LGR6: variants seen among roughly 807,000 people sequenced by gnomAD.
The protein encoded by LGR6 is leucine rich repeat containing G protein-coupled receptor 6, also known as leucine-rich repeat-containing G protein-coupled receptor 6.
A neutral mutation model predicts 69.4 loss-of-function variants in LGR6; 45 were observed. The ratio of observed to expected loss-of-function variants is 0.65; its 90% CI spans 0.51 to 0.83. The LOEUF is 0.83. LGR6 is among the 40% of genes least tolerant of loss of function. The pLI, the probability that LGR6 is intolerant of heterozygous loss-of-function variation, is 0.00. For missense variants in LGR6, 1,108 were observed against 1,246.7 expected (o/e 0.89, Z 1.68); for synonymous variants, 538 against 555.0 (o/e 0.97, Z 0.43).
chr1:202,287,706 T>G (rs1056226478), intron 6 of LGR6, among the ~76,000 whole-genome samples: 5 of 152,026 alleles, frequency 3.3e-5, no homozygotes, highest in Non-Finnish European at 7.3e-5. Flanking sequence ...CCAAAACAAC[T>G]CTCTTTCTCT....
At chr1:202,263,588 G>A (rs538895726) in intron 4 of LGR6, among the ~76,000 whole-genome samples, 212 of 152,296 alleles carry the variant, frequency 1.4e-3, no homozygotes, top group South Asian at 6.2e-3. Context: ...TATGGCTTCA[G>A]CACGGGGGTG....
At chr1:202,309,769 C>A (rs1653566113) in intron 15 of LGR6, among the ~76,000 whole-genome samples, 1 of 152,202 alleles carries the variant, frequency 6.6e-6, no homozygotes, top group Non-Finnish European at 1.5e-5. Context: ...GTGCAGGTCT[C>A]ACTGAGGGCC....
intron 6 of LGR6, among the ~76,000 whole-genome samples, chr1:202,291,507 A>G (rs1224957374): frequency 6.6e-6 from 1 of 152,250 alleles, no homozygotes; most frequent in Non-Finnish European, 1.5e-5. Context: ...GTGGACTCAA[A>G]TGATCATCTA....
chr1:202,243,988 G>A (rs1227471595), intron 4 of LGR6, among the ~76,000 whole-genome samples: 4 of 151,964 alleles, frequency 2.6e-5, no homozygotes, highest in South Asian at 2.1e-4. Flanking sequence ...ATGGAGTCTC[G>A]CTCTGTCACC....
chr1:202,271,734 G>C (rs1180570157), intron 4 of LGR6, among the ~76,000 whole-genome samples: 2 of 151,502 alleles, frequency 1.3e-5, no homozygotes, highest in African/African-American at 4.9e-5. Flanking sequence ...CTTGAACCCG[G>C]GAGGCAGAGG....
At position 202,247,764 on chromosome 1, in the gene LGR6, G is replaced by A. The variant is rs149734511; in HGVS notation, c.428+11771G>A. On this transcript the variant is annotated intron_variant, in intron 4 of 17. Coordinates refer to ENST00000367278, the MANE Select transcript of LGR6 (RefSeq NM_001017403.2). ...ACCTGGCCTGGGGGCAGGAGAAAGT[G>A]TATGACGATCTCACTCTGATCCCAT... Among the ~76,000 whole-genome samples the A allele has an allele frequency of 6.5e-4, 99 of 152,336 alleles. No individual in the cohort carries two copies. The South Asian group carries it at 0.012, about 18-fold the overall frequency.
At chr1:202,208,228 A>T (rs1202092256) in intron 1 of LGR6, among the ~76,000 whole-genome samples, 1 of 152,114 alleles carries the variant, frequency 6.6e-6, no homozygotes, top group African/African-American at 2.4e-5. Flanking sequence ...GGATCAGGAG[A>T]CCCTGGGCTA....
At chr1:202,266,558 G>T (rs1458447429) in intron 4 of LGR6, among the ~76,000 whole-genome samples, 3 of 142,528 alleles carry the variant, frequency 2.1e-5, no homozygotes, top group African/African-American at 7.8e-5. Context: ...CCAAGGACCC[G>T]CACGTTCTTT....
At chr1:202,224,674 T>G (rs1357145792) in intron 1 of LGR6, among the ~76,000 whole-genome samples, 1 of 152,066 alleles carries the variant, frequency 6.6e-6, no homozygotes, top group African/African-American at 2.4e-5. Flanking sequence ...CACAGTAGGG[T>G]TCACACTCCT....
intron 10 of LGR6, 76 bp downstream of exon 10, chr1:202,303,423 G>A: frequency 2.6e-6 from 3 of 1,173,900 alleles, no homozygotes; most frequent in Non-Finnish European, 3.8e-6. Context: ...CCCTGCCCCT[G>A]GAAGGCTGTC....
chr1:202,300,969 A>G lies in LGR6; in HGVS notation c.857+49A>G, dbSNP rs192833728. ...CTTAATGCCGAACAGTGTTTCAGGG[A>G]GGAGGACAGAGGATGGGAAGGCAGG... On this transcript the variant is annotated intron_variant, in intron 8 of 17. Transcript: ENST00000367278. 54 of 1,508,470 alleles carry G rather than the reference A, an allele frequency of 3.6e-5. No homozygotes were observed. In the Admixed American group the frequency reaches 5.5e-4, roughly 15 times the overall value. The allele number at this position is 1,508,470 out of a possible 1,614,324, so 93.4% of individuals were successfully genotyped here. A position where few individuals can be genotyped will look rare whatever the true frequency, so the allele number is the denominator to read the frequency against.
At chr1:202,248,099 C>T (rs1002844147) in intron 4 of LGR6, among the ~76,000 whole-genome samples, 7 of 152,210 alleles carry the variant, frequency 4.6e-5, no homozygotes, top group Non-Finnish European at 7.3e-5. Flanking sequence ...ACACAGCAAC[C>T]GGAAAAGGCG....
chr1:202,234,480 G>A (rs970885528), intron 3 of LGR6, among the ~76,000 whole-genome samples: 2 of 152,184 alleles, frequency 1.3e-5, no homozygotes, highest in Non-Finnish European at 2.9e-5. Flanking sequence ...TCACATAGGA[G>A]GCATGGAAAA....
rs186170414 is a variant in LGR6, at chr1:202,314,919, T to G, written c.1648+37T>G. 1.9e-3 allele frequency: 2,897 copies of G among 1,508,922 alleles called. 3 individuals are homozygous for G. Among genetic ancestry groups the G allele is most frequent in the Middle Eastern group, 2.7e-3 (16 of 5,872 alleles). The allele number at this position is 1,508,922 out of a possible 1,614,324, so 93.5% of individuals were successfully genotyped here. On this transcript the variant is annotated intron_variant, in intron 17 of 17. Transcript: ENST00000367278. ...TCTGGGGAATGGGGACGAGGGGGAA[T>G]GGAGAAAGGGCACCCAACCACCTAG...
chr1:202,301,064 CCT>C, intron 8 of LGR6, 98 bp from the exon 9 acceptor site: 1 of 1,368,434 alleles, frequency 7.3e-7, no homozygotes. Flanking sequence ...CATGTTCTTT[CCT>C]GGGTCTACAT....
intron 1 of LGR6, chr1:202,196,932 T>C (rs766563964): frequency 4.8e-5 from 22 of 460,864 alleles, no homozygotes; most frequent in East Asian, 2.5e-4. Context: ...TTGGTGAAAA[T>C]TGGGGGTTGG....
chr1:202,315,772 A>G (rs1053664822), intron 17 of LGR6, among the ~76,000 whole-genome samples: 1 of 152,202 alleles, frequency 6.6e-6, no homozygotes, highest in Non-Finnish European at 1.5e-5. Context: ...GTGCTTGGTG[A>G]CAACAGCACG....
intron 16 of LGR6, among the ~76,000 whole-genome samples, chr1:202,312,000 C>A (rs1386679338): frequency 6.6e-6 from 1 of 152,210 alleles, no homozygotes; most frequent in African/African-American, 2.4e-5. Context: ...GGGACATTCC[C>A]GGATGTCTGC....
At chr1:202,296,241 C>T (rs764999275) in intron 6 of LGR6, among the ~76,000 whole-genome samples, 6 of 151,994 alleles carry the variant, frequency 3.9e-5, no homozygotes, top group Non-Finnish European at 5.9e-5. Context: ...AAGTCTTCCC[C>T]CAACCTATTG....
Sources: allele counts gnomAD v4.1 joint callset (sites outside exome capture counted in the v4.1 genomes callset), GRCh38; gene constraint gnomAD v4.1.1; transcripts MANE v1.5; gene names NCBI Gene and HGNC (gene_info 2026-07-23, HGNC 2026-07-21).